The following TNIP3 variants were observed in gnomAD, a reference collection of about 807,000 sequenced individuals.
The protein encoded by TNIP3 is TNFAIP3 interacting protein 3, also known as TNFAIP3-interacting protein 3.
A neutral mutation model predicts 54.1 loss-of-function variants in TNIP3; 34 were observed. That is an observed-to-expected ratio of 0.63 (90% CI 0.48 to 0.84). The LOEUF is 0.84. TNIP3 is among the 40% of genes least tolerant of loss of function. The pLI, the probability that TNIP3 is intolerant of heterozygous loss-of-function variation, is 0.00. For missense variants in TNIP3, 366 were observed against 387.6 expected, an observed-to-expected ratio of 0.94 and a Z score of 0.47; for synonymous variants, 134 against 136.8, an observed-to-expected ratio of 0.98 and a Z score of 0.14.
intron 3 of TNIP3, among the ~76,000 whole-genome samples, chr4:121,182,501 T>C (rs1046606984): frequency 3.9e-5 from 6 of 152,194 alleles, no homozygotes; most frequent in Admixed American, 3.9e-4. Context: ...ATTTCTTTAG[T>C]AACAGGAAGT....
At chr4:121,202,423 G>T (rs10004221) in intron 2 of TNIP3, among the ~76,000 whole-genome samples, 52,344 of 151,994 alleles carry the variant, frequency 0.34, 10,927 homozygotes, top group African/African-American at 0.59. Flanking sequence ...TCAAGATGGA[G>T]CAAAGACTTA....
At chr4:121,184,204 C>T (rs1465959080) in intron 2 of TNIP3, among the ~76,000 whole-genome samples, 2 of 152,012 alleles carry the variant, frequency 1.3e-5, no homozygotes, top group Non-Finnish European at 2.9e-5. Context: ...AAAATAACCT[C>T]TTGGATTGAG....
intron 7 of TNIP3, among the ~76,000 whole-genome samples, chr4:121,144,549 G>A (rs1444614939): frequency 1.3e-5 from 2 of 152,060 alleles, no homozygotes; most frequent in East Asian, 3.9e-4. Context: ...TTACAGGCGC[G>A]TGCCACCATG....
At chr4:121,139,077 C>T (rs1291726122) in intron 9 of TNIP3, among the ~76,000 whole-genome samples, 1 of 151,940 alleles carries the variant, frequency 6.6e-6, no homozygotes, top group Non-Finnish European at 1.5e-5. Context: ...AATGAGAAGG[C>T]CAGGAAAAAA....
At chr4:121,151,167 C>A (rs944827926) in intron 5 of TNIP3, among the ~76,000 whole-genome samples, 3 of 152,062 alleles carry the variant, frequency 2.0e-5, no homozygotes, top group African/African-American at 7.2e-5. Context: ...CCTCAGAGAC[C>A]ATAAAATGAC....
chr4:121,181,258 T>C (rs568229214), intron 3 of TNIP3, among the ~76,000 whole-genome samples: 2 of 152,244 alleles, frequency 1.3e-5, no homozygotes, highest in African/African-American at 4.8e-5. Context: ...CCAGAGGGAA[T>C]TGATATTGTC....
At chr4:121,165,716 A>G (rs1560662174), upstream of TNIP3, among the ~76,000 whole-genome samples, 1 of 149,652 alleles carries the variant, frequency 6.7e-6, no homozygotes, top group Non-Finnish European at 1.5e-5. Context: ...GTTTCTTGTT[A>G]TGTTTGGGTC....
At chr4:121,217,809 C>T (rs1283492278), upstream of TNIP3, among the ~76,000 whole-genome samples, 1 of 152,170 alleles carries the variant, frequency 6.6e-6, no homozygotes, top group African/African-American at 2.4e-5. Flanking sequence ...TATTCTTTCA[C>T]TATTTCAAAA....
rs1192450316 is a variant in TNIP3 at position 121,138,787 on chromosome 4, C to T, written c.886-103G>A. On this transcript the variant is annotated intron_variant, in intron 9 of 10. Coordinates refer to ENST00000057513, the MANE Select transcript of TNIP3 (RefSeq NM_024873.6). ...TGTGGCTTTTATTAAGCAGGCAACA[C>T]AAAAGTAATTTCTATCCAAACCTAT... is the stretch of plus-strand genomic sequence containing the variant. 14 of 1,063,988 alleles carry T rather than the reference C, an allele frequency of 1.3e-5. No homozygotes were observed. In the Admixed American group the frequency reaches 2.5e-4, roughly 19 times the overall value. 65.9% of individuals were successfully genotyped at this position (1,063,988 alleles called of 1,614,324 possible). A position where few individuals can be genotyped will look rare whatever the true frequency, so the allele number is the denominator to read the frequency against.
intron 2 of TNIP3, among the ~76,000 whole-genome samples, chr4:121,194,112 C>T (rs753502619): frequency 3.3e-5 from 5 of 151,984 alleles, no homozygotes; most frequent in Non-Finnish European, 7.4e-5. Context: ...AGTAGTGTAT[C>T]GATGTTCATT....
intron 2 of TNIP3, among the ~76,000 whole-genome samples, chr4:121,186,082 C>T (rs1340317642): frequency 2.6e-5 from 4 of 152,152 alleles, no homozygotes; most frequent in African/African-American, 4.8e-5. Context: ...CAAAGAGGGA[C>T]GGGCCCTCAT....
chr4:121,222,838 C>T (rs1379219048), intron 1 of TNIP3, among the ~76,000 whole-genome samples: 3 of 132,160 alleles, frequency 2.3e-5, no homozygotes, highest in African/African-American at 6.0e-5. Flanking sequence ...CGGAGTCTCG[C>T]TCTGTCACCC....
At chr4:121,189,488 G>T (rs1297693487) in intron 2 of TNIP3, among the ~76,000 whole-genome samples, 1 of 152,158 alleles carries the variant, frequency 6.6e-6, no homozygotes, top group Non-Finnish European at 1.5e-5. Context: ...TTGTTATTAT[G>T]ATTTACTGTA....
Position 121,173,147 on chromosome 4 carries a change from C to T in TNIP3, c.190-9001G>A, listed in dbSNP as rs570007941. On this transcript the variant is annotated intron_variant, in intron 3 of 12. Coordinates refer to the TNIP3 transcript ENST00000507879. ...AGAACCTTTTATCTGTGTGGGTAGA[C>T]GTAAATAACACACCTAAAAATTGTA... Among the ~76,000 whole-genome samples the T allele has an allele frequency of 6.6e-5, 10 of 152,088 alleles. No homozygotes were observed. The South Asian group carries it at 1.9e-3, about 28-fold the overall frequency.
At chr4:121,211,105 A>C (rs1726456331) in intron 2 of TNIP3, among the ~76,000 whole-genome samples, 1 of 152,194 alleles carries the variant, frequency 6.6e-6, no homozygotes, top group African/African-American at 2.4e-5. Flanking sequence ...GGAAAGCAGA[A>C]ATGTCCCTGA....
rs763736712 is a variant in TNIP3, at chr4:121,147,137, G to A, written c.647C>T (p.Ser216Leu). 3.2e-5 allele frequency: 51 copies of A among 1,612,038 alleles called. No individual in the cohort carries two copies. The highest frequency in any genetic ancestry group is 3.3e-4 in the Middle Eastern group (2 of 6,076). Residue 216 changes from serine (S) to leucine (L), a missense_variant, in exon 7 of 11, where the codon TCG becomes TTG. By Grantham distance (145) the Ser-to-Leu change is moderately radical. Transcript: ENST00000057513. ...IYEEDFKKERSDRERLNQEKE... is the reference protein window; with the variant it reads ...IYEEDFKKERLDRERLNQEKE... ...CTCTTGATTAAGTCTCTCTCGATCC[G>A]ATCGTTCCTTTTTGAAGTCTTCTTC...
Position 121,138,648 on chromosome 4 carries a change from G to A in TNIP3, c.922C>T (p.Pro308Ser), listed in dbSNP as rs1560634711. The change falls in exon 10 of 11, where the codon CCA becomes TCA. Residue 308 changes from proline to serine, a missense_variant. By Grantham distance (74) the Pro-to-Ser change is moderately conservative (BLOSUM62 -1). Coordinates refer to ENST00000057513, the MANE Select transcript of TNIP3 (RefSeq NM_024873.6). ...YQWYALDQLP[P>S]DVQHKANGLS... ...CCATTTGCCTTGTGTTGTACATCTG[G>A]CGGAAGCTGGTCAAGAGCATACCAC... 1 of 1,614,044 alleles carries A rather than the reference G, an allele frequency of 6.2e-7. No homozygotes were observed. Among genetic ancestry groups the A allele is most frequent in the Admixed American group, 1.7e-5 (1 of 60,012 alleles).
At position 121,150,191 on chromosome 4, in the gene TNIP3, C is replaced by T; in HGVS notation, c.521G>A (p.Cys174Tyr). 6.2e-7 allele frequency: 1 copy of T among 1,613,550 alleles called. No individual in the cohort carries two copies. Among genetic ancestry groups the T allele is most frequent in the Non-Finnish European group, 8.5e-7 (1 of 1,179,672 alleles). Residue 174 changes from cysteine (C) to tyrosine (Y), a missense_variant, in exon 6 of 11, where the codon TGT (cysteine) becomes TAT (tyrosine). By Grantham distance (194) the Cys-to-Tyr change is radical (BLOSUM62 -2). Coordinates refer to ENST00000057513, the MANE Select transcript of TNIP3 (RefSeq NM_024873.6). ...CCTCAAACAGTCCTCGGAAAATGAA[C>T]ACTTGATATTCAAGGCATCCTGAAG... The part of the protein sequence containing the change: ...KALQDALNIK[C>Y]SFSEDCLRKS...
chr4:121,211,742 CA>C (rs1463728827), intron 2 of TNIP3, among the ~76,000 whole-genome samples: 4 of 152,152 alleles, frequency 2.6e-5, no homozygotes, highest in Non-Finnish European at 5.9e-5. Flanking sequence ...ATTGAATTAT[CA>C]ACTCAGAGAT....
Sources: allele counts gnomAD v4.1 joint callset (sites outside exome capture counted in the v4.1 genomes callset), GRCh38; gene constraint gnomAD v4.1.1; transcripts MANE v1.5; gene names NCBI Gene and HGNC (gene_info 2026-07-23, HGNC 2026-07-21).